The following IMMP2L variants were observed in gnomAD, a reference collection of about 807,000 sequenced individuals.
IMMP2L encodes the protein mitochondrial inner membrane protease subunit 2.
Under a neutral mutation model 19.3 loss-of-function variants are expected in IMMP2L, and 18 were observed. The ratio of observed to expected loss-of-function variants is 0.93; its 90% CI spans 0.64 to 1.38. The LOEUF (loss-of-function observed/expected upper bound fraction) is 1.38, where lower values mean the gene tolerates loss of function less well. Ranked by LOEUF, IMMP2L falls within the 40% of genes most tolerant of loss-of-function variation. The pLI is 0.00. For synonymous variants in IMMP2L, 76 were observed against 73.0 expected (o/e 1.04, Z -0.21); for missense variants, 233 against 218.2 (o/e 1.07, Z -0.43).
At chr7:111,212,423 AT>A (rs1200652185) in intron 3 of IMMP2L, among the ~76,000 whole-genome samples, 1 of 152,138 alleles carries the variant, frequency 6.6e-6, no homozygotes, top group Non-Finnish European at 1.5e-5. Context: ...AGCCTAGGCA[AT>A]GTGGCAAAAG....
At chr7:111,197,577 CA>C (rs1280238470) in intron 3 of IMMP2L, among the ~76,000 whole-genome samples, 2 of 152,052 alleles carry the variant, frequency 1.3e-5, no homozygotes, top group African/African-American at 4.8e-5. Context: ...TTTAAAAAGG[CA>C]ATCAAAGATA....
intron 3 of IMMP2L, among the ~76,000 whole-genome samples, chr7:111,053,626 T>C (rs1793216958): frequency 6.6e-6 from 1 of 152,174 alleles, no homozygotes; most frequent in Non-Finnish European, 1.5e-5. Context: ...CTGACATTCC[T>C]GGTGGTGGGG....
At chr7:111,172,926 T>C (rs1806613660) in intron 3 of IMMP2L, among the ~76,000 whole-genome samples, 1 of 151,626 alleles carries the variant, frequency 6.6e-6, no homozygotes, top group Non-Finnish European at 1.5e-5. Context: ...AAAACCACTG[T>C]GCCGATAATC....
chr7:110,895,376 C>T (rs538309263), intron 4 of IMMP2L, among the ~76,000 whole-genome samples: 2 of 152,212 alleles, frequency 1.3e-5, no homozygotes, highest in South Asian at 4.2e-4. Context: ...TTTCTAGACT[C>T]TATTTTGTTC....
chr7:110,821,099 A>T (rs530314723), intron 5 of IMMP2L, among the ~76,000 whole-genome samples: 1 of 152,034 alleles, frequency 6.6e-6, no homozygotes, highest in African/African-American at 2.4e-5. Flanking sequence ...AACTCATTTA[A>T]CTCTTCCCAA....
intron 3 of IMMP2L, among the ~76,000 whole-genome samples, chr7:111,119,502 A>T (rs1800320902): frequency 2.0e-5 from 3 of 152,208 alleles, no homozygotes; most frequent in African/African-American, 4.8e-5. Flanking sequence ...TAATAGATTA[A>T]CTTTTCTCTT....
intron 5 of IMMP2L, among the ~76,000 whole-genome samples, chr7:110,691,962 A>C (rs1290243963): frequency 6.6e-6 from 1 of 152,222 alleles, no homozygotes; most frequent in African/African-American, 2.4e-5. Context: ...CTGGGTATCT[A>C]TTCGAAGGAA....
rs1240647409 is a variant in IMMP2L at position 110,688,845 on chromosome 7, A to C, written c.409-25124T>G. ...GTCCTTTCTCTCTGTCTCTCTCTGT[A>C]TGTATGTATGTATATACACATACAT... On this transcript the variant is annotated intron_variant, in intron 5 of 5. Coordinates refer to ENST00000405709, the MANE Select transcript of IMMP2L (RefSeq NM_032549.4). 4.6e-5 allele frequency among the ~76,000 whole-genome samples: 7 copies of C among 152,114 alleles called. No homozygotes were observed. The South Asian group carries it at 1.0e-3, about 23-fold the overall frequency.
chr7:111,193,513 GA>G (rs1809132572), intron 3 of IMMP2L, among the ~76,000 whole-genome samples: 1 of 152,078 alleles, frequency 6.6e-6, no homozygotes, highest in Non-Finnish European at 1.5e-5. Context: ...CATCTCCAAC[GA>G]CTTTTAAAGA....
chr7:110,756,845 A>C (rs1379790399), intron 5 of IMMP2L, among the ~76,000 whole-genome samples: 1 of 152,088 alleles, frequency 6.6e-6, no homozygotes. Flanking sequence ...AGTTATGGCT[A>C]ATGAAGAGAG....
At chr7:111,361,467 T>C (rs1829253466) in intron 3 of IMMP2L, among the ~76,000 whole-genome samples, 1 of 152,180 alleles carries the variant, frequency 6.6e-6, no homozygotes, top group Admixed American at 6.6e-5. Context: ...TTCAGAGTTA[T>C]ACTTTCTATA....
At chr7:110,835,243 G>A (rs1804336217) in intron 5 of IMMP2L, among the ~76,000 whole-genome samples, 2 of 152,142 alleles carry the variant, frequency 1.3e-5, no homozygotes, top group Non-Finnish European at 1.5e-5. Flanking sequence ...CTTATTTCTG[G>A]GAACAATATG....
chr7:111,342,710 T>C (rs1827145109), intron 3 of IMMP2L, among the ~76,000 whole-genome samples: 1 of 152,096 alleles, frequency 6.6e-6, no homozygotes, highest in Non-Finnish European at 1.5e-5. Flanking sequence ...TATAATTATA[T>C]ATAATTTTCT....
At chr7:111,540,774 CTGTT>C (rs1264140158) in intron 1 of IMMP2L, among the ~76,000 whole-genome samples, 1 of 152,084 alleles carries the variant, frequency 6.6e-6, no homozygotes, top group Non-Finnish European at 1.5e-5. Context: ...TGTATCTTGA[CTGTT>C]TGTTTAATTG....
intron 3 of IMMP2L, among the ~76,000 whole-genome samples, chr7:111,020,087 A>T (rs6466369): frequency 0.56 from 68,678 of 123,104 alleles, 16,974 homozygotes; most frequent in Non-Finnish European, 0.64. Flanking sequence ...TACAACAATT[A>T]AAAAAAAAAA....
intron 3 of IMMP2L, among the ~76,000 whole-genome samples, chr7:111,135,599 AC>A (rs1191200063): frequency 1.3e-5 from 2 of 152,346 alleles, no homozygotes; most frequent in Admixed American, 6.5e-5. Context: ...TGAAATCCCA[AC>A]ATTACCATCA....
chr7:111,304,566 T>C (rs778761989), intron 3 of IMMP2L, among the ~76,000 whole-genome samples: 6 of 151,876 alleles, frequency 4.0e-5, no homozygotes, highest in Non-Finnish European at 8.8e-5. Flanking sequence ...TGTGTACATA[T>C]GTATAGTGTG....
At chr7:111,465,824 G>T (rs1840598474) in intron 3 of IMMP2L, among the ~76,000 whole-genome samples, 1 of 151,984 alleles carries the variant, frequency 6.6e-6, no homozygotes, top group Non-Finnish European at 1.5e-5. Context: ...CCCATTACTG[G>T]GTATATACCC....
chr7:111,495,646 C>T (rs1843524820), intron 2 of IMMP2L, among the ~76,000 whole-genome samples: 2 of 152,188 alleles, frequency 1.3e-5, no homozygotes, highest in Admixed American at 1.3e-4. Flanking sequence ...GAATTAAGCA[C>T]AGTCACAGTA....
Sources: allele counts gnomAD v4.1 joint callset (sites outside exome capture counted in the v4.1 genomes callset), GRCh38; gene constraint gnomAD v4.1.1; transcripts MANE v1.5; gene names NCBI Gene and HGNC (gene_info 2026-07-23, HGNC 2026-07-21).